The following TLN2 variants were observed in gnomAD, a reference collection of about 807,000 sequenced individuals.
The protein encoded by TLN2 is talin 2.
Under a neutral mutation model 294.7 loss-of-function variants are expected in TLN2, and 118 were observed. The observed-to-expected ratio is 0.40, with a 90% CI of 0.34 to 0.47. TLN2 has a LOEUF of 0.47. TLN2 is among the 20% of genes least tolerant of loss of function. TLN2 has a pLI of 0.84. For synonymous variants in TLN2, 1,431 were observed against 1,304.5 expected (o/e 1.10, Z -2.09); for missense variants, 3,083 against 3,282.2 (o/e 0.94, Z 1.48).
At chr15:62,506,195 C>T (rs958504000) in intron 1 of TLN2, among the ~76,000 whole-genome samples, 4 of 152,122 alleles carry the variant, frequency 2.6e-5, no homozygotes, top group Non-Finnish European at 4.4e-5. Context: ...GAAGGGACCT[C>T]TCTGTCCTCT....
chr15:62,816,426 C>T lies in TLN2; in HGVS notation c.6772-3090C>T, dbSNP rs187532267. 5.9e-5 allele frequency among the ~76,000 whole-genome samples: 9 copies of T among 152,350 alleles called. No homozygotes were observed. The East Asian group carries it at 1.7e-3, about 29-fold the overall frequency. On this transcript the variant is annotated intron_variant, in intron 52 of 58. Coordinates refer to ENST00000636159, the MANE Select transcript of TLN2 (RefSeq NM_015059.3). Reference sequence around the variant, plus strand: ...CCACTGGCAGAGCTTTAATTTGGATCTGTCTGTTGTCTGCTATCAGAAATC... The same window carrying T: ...CCACTGGCAGAGCTTTAATTTGGATTTGTCTGTTGTCTGCTATCAGAAATC...
rs924865129 is a variant in TLN2 at position 62,808,524 on chromosome 15, TG to T, written c.6664-1400del. ...TCCAATAGTATAAGAGTTTAATTAG[TG>T]CCACATTGTTCTCCCAAAGGGTTCT... On this transcript the variant is annotated intron_variant, in intron 51 of 58. Coordinates refer to ENST00000636159, the MANE Select transcript of TLN2 (RefSeq NM_015059.3). Among the ~76,000 whole-genome samples, 83 of 152,304 alleles carry T rather than the reference TG, an allele frequency of 5.4e-4. 1 individual carries two copies. The highest frequency in any genetic ancestry group is 1.6e-3 in the African/African-American group (65 of 41,568).
chr15:62,698,296 T>A (rs1036449458), intron 15 of TLN2, among the ~76,000 whole-genome samples: 4 of 152,230 alleles, frequency 2.6e-5, no homozygotes, highest in Admixed American at 6.5e-5. Context: ...CTTGCTATTG[T>A]GTGAGAACTT....
At chr15:62,788,313 A>G (rs1190109104) in intron 45 of TLN2, among the ~76,000 whole-genome samples, 2 of 152,076 alleles carry the variant, frequency 1.3e-5, no homozygotes, top group African/African-American at 2.4e-5. Flanking sequence ...CTCCATCTCA[A>G]AAAAAAGAAA....
intron 2 of TLN2, among the ~76,000 whole-genome samples, chr15:62,617,772 G>A (rs533029277): frequency 6.6e-6 from 1 of 152,172 alleles, no homozygotes; most frequent in African/African-American, 2.4e-5. Flanking sequence ...AGAGGAGAAG[G>A]ATGTTAGTGC....
At chr15:62,703,336 G>A (rs2058835405) in intron 19 of TLN2, among the ~76,000 whole-genome samples, 1 of 151,940 alleles carries the variant, frequency 6.6e-6, no homozygotes, top group Non-Finnish European at 1.5e-5. Context: ...CTTTGACCTC[G>A]TGATCTGCCC....
Position 62,666,129 on chromosome 15 carries a change from G to A in TLN2, c.789-7698G>A, listed in dbSNP as rs905391725. 1.1e-4 allele frequency among the ~76,000 whole-genome samples: 16 copies of A among 152,260 alleles called. No homozygotes were observed. In the South Asian group the frequency reaches 1.7e-3, roughly 16 times the overall value. On this transcript the variant is annotated intron_variant, in intron 9 of 58. Transcript: ENST00000636159. ...TGTCTCTGAGTTCCTGGGCAGTGGC[G>A]TGTCCTTATATTAAAGGACATTTGG...
intron 50 of TLN2, among the ~76,000 whole-genome samples, chr15:62,802,142 C>T (rs1010028350): frequency 3.3e-5 from 5 of 151,830 alleles, no homozygotes; most frequent in Admixed American, 6.6e-5. Context: ...CCTCTGGCAA[C>T]GATCCTTCTA....
chr15:62,461,721 C>T (rs906987547), intron 1 of TLN2, among the ~76,000 whole-genome samples: 1 of 152,108 alleles, frequency 6.6e-6, no homozygotes, highest in African/African-American at 2.4e-5. Flanking sequence ...TCAGCGAGGG[C>T]TTGAAGGATG....
At chr15:62,594,161 G>A (rs1370339009) in intron 2 of TLN2, among the ~76,000 whole-genome samples, 3 of 152,152 alleles carry the variant, frequency 2.0e-5, no homozygotes, top group African/African-American at 7.2e-5. Flanking sequence ...ACAGAATAGA[G>A]AGCCCAGAAA....
chr15:62,478,458 G>A (rs939918953), intron 1 of TLN2, among the ~76,000 whole-genome samples: 6 of 152,130 alleles, frequency 3.9e-5, no homozygotes, highest in African/African-American at 9.7e-5. Flanking sequence ...TTGAGGTGGG[G>A]GAGAAACTTG....
rs114283243 is a variant in TLN2, at chr15:62,769,717, G to A, written c.5197-1247G>A. ...GACTGCTCATGTGAGTGGTCTTCCT[G>A]TCCACATCCCCACAACACTCATTCT... On this transcript the variant is annotated intron_variant, in intron 41 of 58. Transcript: ENST00000636159. Among the ~76,000 whole-genome samples, 479 of 151,988 alleles carry A rather than the reference G, an allele frequency of 3.2e-3. 2 individuals carry two copies. The highest frequency in any genetic ancestry group is 0.011 in the African/African-American group (461 of 41,432).
chr15:62,680,871 C>T (rs968416292), intron 11 of TLN2, among the ~76,000 whole-genome samples: 11 of 152,070 alleles, frequency 7.2e-5, no homozygotes, highest in African/African-American at 2.2e-4. Flanking sequence ...AAAATAATGG[C>T]GTCCAGCTCC....
intron 46 of TLN2, among the ~76,000 whole-genome samples, chr15:62,793,305 A>G (rs185682690): frequency 1.5e-4 from 22 of 144,818 alleles, no homozygotes; most frequent in Admixed American, 9.6e-4. Context: ...GTGGAGAAGC[A>G]GAAACTTGTC....
chr15:62,817,371 A>G (rs894815870), intron 52 of TLN2, among the ~76,000 whole-genome samples: 1 of 152,202 alleles, frequency 6.6e-6, no homozygotes, highest in Non-Finnish European at 1.5e-5. Context: ...AGAATGATAT[A>G]TATATAGGCC....
At chr15:62,555,885 A>G (rs1049156899) in intron 1 of TLN2, among the ~76,000 whole-genome samples, 1 of 148,664 alleles carries the variant, frequency 6.7e-6, no homozygotes, top group African/African-American at 2.5e-5. Flanking sequence ...GCTTTGTACT[A>G]TATTTGATTT....
At chr15:62,423,967 A>T (rs1252898754) in intron 1 of TLN2, among the ~76,000 whole-genome samples, 1 of 152,172 alleles carries the variant, frequency 6.6e-6, no homozygotes, top group East Asian at 1.9e-4. Context: ...AGGCTGACTA[A>T]TGTTAACGTT....
At chr15:62,766,523 A>C (rs2063018805) in intron 41 of TLN2, 101 bp downstream of exon 41, 4 of 1,141,820 alleles carry the variant, frequency 3.5e-6, no homozygotes, top group Non-Finnish European at 5.0e-6. Flanking sequence ...CTGTGGTGCA[A>C]GTATTGTGCC....
At chr15:62,655,578 C>T (rs2053114256) in intron 7 of TLN2, among the ~76,000 whole-genome samples, 2 of 11,688 alleles carry the variant, frequency 1.7e-4, no homozygotes, top group East Asian at 0.17. Context: ...ATTATACATT[C>T]ATTGTAGCAC....
Sources: allele counts gnomAD v4.1 joint callset (sites outside exome capture counted in the v4.1 genomes callset), GRCh38; gene constraint gnomAD v4.1.1; transcripts MANE v1.5; gene names NCBI Gene and HGNC (gene_info 2026-07-23, HGNC 2026-07-21).